Variants in SSH1 observed in about 807,000 individuals in gnomAD.
SSH1 encodes the protein protein phosphatase Slingshot homolog 1.
In SSH1, 43 loss-of-function variants were observed where a neutral mutation model predicts 79.7. The observed-to-expected ratio is 0.54, with a 90% CI of 0.42 to 0.70. The LOEUF is 0.70. Among genes scored for constraint, SSH1 ranks in the 30% least tolerant of loss-of-function variants. The pLI, the probability that SSH1 is intolerant of heterozygous loss-of-function variation, is 0.00. For missense variants in SSH1, 1,206 were observed against 1,358.8 expected, an observed-to-expected ratio of 0.89 and a Z score of 1.77; for synonymous variants, 599 against 538.3, an observed-to-expected ratio of 1.11 and a Z score of -1.56.
At chr12:108,840,641 G>A (rs1217217556) in intron 2 of SSH1, among the ~76,000 whole-genome samples, 3 of 152,122 alleles carry the variant, frequency 2.0e-5, no homozygotes, top group African/African-American at 7.2e-5. Context: ...TGACCCATCT[G>A]GATGTCCTCC....
intron 2 of SSH1, among the ~76,000 whole-genome samples, chr12:108,837,355 T>C (rs1053453554): frequency 1.3e-5 from 2 of 152,146 alleles, no homozygotes; most frequent in African/African-American, 4.8e-5. Flanking sequence ...CTGAATTGGA[T>C]CTTTTGTTAT....
chr12:108,818,375 T>C, intron 3 of SSH1, 62 bp from the exon 4 acceptor site: 1 of 1,470,128 alleles, frequency 6.8e-7, no homozygotes. Context: ...AAAAAAAACC[T>C]CTGAAAGGCT....
chr12:108,849,368 C>A (rs2038966834), intron 2 of SSH1, among the ~76,000 whole-genome samples: 1 of 152,028 alleles, frequency 6.6e-6, no homozygotes, highest in African/African-American at 2.4e-5. Context: ...GCCTCAACAA[C>A]ACAGTGTGAT....
In SSH1 at chr12:108,823,245, T is replaced by TTAGA; in HGVS notation, c.214+9_214+12dup. The TTAGA allele has an allele frequency of 6.4e-7, 1 of 1,566,722 alleles. No individual in the cohort carries two copies. Among genetic ancestry groups the TTAGA allele is most frequent in the Non-Finnish European group, 8.7e-7 (1 of 1,153,760 alleles). On this transcript the variant is annotated intron_variant, in intron 3 of 14. Coordinates refer to ENST00000326495, the MANE Select transcript of SSH1 (RefSeq NM_018984.4). ...GAAGCTCCAATGTAAGAGTATCAAC[T>TTAGA]TAGAGCCCTCACCTGCATGCTTGTG... is the stretch of plus-strand genomic sequence containing the variant.
chr12:108,788,636 G>A lies in SSH1; in HGVS notation c.2502C>T (p.Ser834=), dbSNP rs1465863288. The change falls in exon 15 of 15, where the codon AGC becomes AGT. Residue 834 remains serine (S), a synonymous_variant. Transcript: ENST00000326495. ...KHTKELERLK[S]VPADPAPPSR... is the part of the protein sequence containing the mutation. The stretch of plus-strand genomic sequence containing the variant: ...AGGGAGGTGCTGGGTCTGCAGGCAC[G>A]CTCTTCAGCCGCTCTAGCTCTTTGG... 2.4e-5 allele frequency: 38 copies of A among 1,612,808 alleles called. No individual in the cohort carries two copies. Among genetic ancestry groups the A allele is most frequent in the South Asian group, 6.6e-5 (6 of 91,080 alleles).
At chr12:108,836,660 T>G (rs113592997) in intron 2 of SSH1, among the ~76,000 whole-genome samples, 1 of 152,260 alleles carries the variant, frequency 6.6e-6, no homozygotes, top group South Asian at 2.1e-4. Flanking sequence ...TAACATAATT[T>G]TAAAGTATCT....
At chr12:108,802,459 T>G (rs1049476042) in intron 10 of SSH1, 91 bp from the exon 11 acceptor site, 6 of 1,203,270 alleles carry the variant, frequency 5.0e-6, no homozygotes, top group Middle Eastern at 1.9e-4. Context: ...GCTCTGGCGG[T>G]GAGGTCTTAT....
In SSH1 at chr12:108,850,788, C is replaced by G. The variant is rs540806586; in HGVS notation, c.110+1850G>C. 5.1e-4 allele frequency among the ~76,000 whole-genome samples: 52 copies of G among 101,876 alleles called. 1 individual carries two copies. The highest frequency in any genetic ancestry group is 7.7e-5 in the Non-Finnish European group (4 of 51,842). The allele number at this position is 101,876 out of a possible 152,430, so 66.8% of individuals were successfully genotyped here. On this transcript the variant is annotated intron_variant, in intron 2 of 14. Transcript: ENST00000326495. ...GGGAGGGGAACCTGGAGGGAGGGAT[C>G]TGGGGAAGGGGATTTTGGGGAGGAG...
chr12:108,826,894 A>G (rs1428013800), intron 2 of SSH1, among the ~76,000 whole-genome samples: 2 of 152,108 alleles, frequency 1.3e-5, no homozygotes, highest in East Asian at 1.9e-4. Flanking sequence ...CTTCTCACAA[A>G]AGATCTGAGT....
At chr12:108,838,435 T>G (rs972555970) in intron 2 of SSH1, among the ~76,000 whole-genome samples, 1 of 152,212 alleles carries the variant, frequency 6.6e-6, no homozygotes, top group Non-Finnish European at 1.5e-5. Flanking sequence ...CTGGACCACG[T>G]AAGATCTAAT....
In SSH1 at chr12:108,787,864, A is replaced by T; in HGVS notation, c.*124T>A. On this transcript the variant is annotated 3_prime_UTR_variant, in exon 15 of 15. Coordinates refer to ENST00000326495, the MANE Select transcript of SSH1 (RefSeq NM_018984.4). ...CCTCTCTATGGCAAGAGTAGGGGAA[A>T]AGTTAGGATGACTTCACTCGTTTAA... 7.9e-7 allele frequency: 1 copy of T among 1,260,894 alleles called. No individual in the cohort carries two copies. Among genetic ancestry groups the T allele is most frequent in the Non-Finnish European group, 1.1e-6 (1 of 892,842 alleles). The allele number at this position is 1,260,894 out of a possible 1,614,324, so 78.1% of individuals were successfully genotyped here. A position where few individuals can be genotyped will look rare whatever the true frequency, so the allele number is the denominator to read the frequency against.
chr12:108,818,151 T>G, intron 4 of SSH1, 98 bp downstream of exon 4: 1 of 1,000,512 alleles, frequency 1.0e-6, no homozygotes, highest in Admixed American at 1.7e-5. Context: ...TGAGCTAAGA[T>G]CATGCCACTG....
intron 13 of SSH1, among the ~76,000 whole-genome samples, chr12:108,795,610 C>G (rs1158106310): frequency 6.6e-6 from 1 of 151,768 alleles, no homozygotes; most frequent in Non-Finnish European, 1.5e-5. Flanking sequence ...TGGCCCAGCA[C>G]TTTGGAAGGC....
chr12:108,793,646 T>C (rs899837388), intron 13 of SSH1, among the ~76,000 whole-genome samples: 1 of 152,090 alleles, frequency 6.6e-6, no homozygotes, highest in Non-Finnish European at 1.5e-5. Context: ...TCCTCCTACC[T>C]CAGCCTCCCA....
intron 1 of SSH1, among the ~76,000 whole-genome samples, chr12:108,855,871 G>A (rs2039133691): frequency 6.6e-6 from 1 of 152,208 alleles, no homozygotes. Context: ...TCTCCAAGGA[G>A]GGGGCTGTGA....
intron 2 of SSH1, chr12:108,833,989 A>G (rs2375015): frequency 0.29 from 44,443 of 152,060 alleles, 6,737 homozygotes; most frequent in East Asian, 0.43. Flanking sequence ...ACTTTTAGCC[A>G]TGTGACATCA....
chr12:108,856,807 C>T (rs1257499554), intron 1 of SSH1, among the ~76,000 whole-genome samples: 2 of 152,202 alleles, frequency 1.3e-5, no homozygotes, highest in Non-Finnish European at 2.9e-5. Context: ...CTAGAACTAC[C>T]CCGGCCACAG....
intron 2 of SSH1, among the ~76,000 whole-genome samples, chr12:108,832,027 C>G (rs2038485796): frequency 6.6e-6 from 1 of 152,164 alleles, no homozygotes; most frequent in Non-Finnish European, 1.5e-5. Flanking sequence ...TAATAGCTTT[C>G]TAGTTATAGA....
At chr12:108,856,489 CCACACAGAAAGATAGATGCACATAAA>C (rs2039145825) in intron 1 of SSH1, among the ~76,000 whole-genome samples, 2 of 152,186 alleles carry the variant, frequency 1.3e-5, no homozygotes, top group African/African-American at 4.8e-5. Flanking sequence ...TGGGTCACAG[CCACACAGAAAGATAGATGCACATAAA>C]CACACAGGCC....
Sources: gnomAD v4.1 joint callset for allele counts (sites outside exome capture counted in the v4.1 genomes callset) on GRCh38, gnomAD v4.1.1 for gene constraint, MANE v1.5 for transcripts, NCBI Gene and HGNC (gene_info 2026-07-23, HGNC 2026-07-21) for gene names.